ADAMTS3: variants seen among roughly 807,000 people sequenced by gnomAD.
ADAMTS3 encodes the protein A disintegrin and metalloproteinase with thrombospondin motifs 3.
In ADAMTS3, 73 loss-of-function variants were observed where a neutral mutation model predicts 129.0. That is an observed-to-expected ratio of 0.57 (90% confidence interval 0.47 to 0.69). ADAMTS3 has a LOEUF of 0.69. Among genes scored for constraint, ADAMTS3 ranks in the 30% least tolerant of loss-of-function variants. The pLI, the probability that ADAMTS3 is intolerant of heterozygous loss-of-function variation, is 0.00. For missense variants in ADAMTS3, 1,457 were observed against 1,514.5 expected, an observed-to-expected ratio of 0.96 and a Z score of 0.63; for synonymous variants, 477 against 510.8, an observed-to-expected ratio of 0.93 and a Z score of 0.89.
intron 4 of ADAMTS3, among the ~76,000 whole-genome samples, chr4:72,399,214 G>C (rs1721810238): frequency 6.6e-6 from 1 of 152,162 alleles, no homozygotes; most frequent in Non-Finnish European, 1.5e-5. Flanking sequence ...AGGATTGCTT[G>C]AGACCGGGAG....
At chr4:72,321,350 T>G in intron 6 of ADAMTS3, among the ~76,000 whole-genome samples, 1 of 151,732 alleles carries the variant, frequency 6.6e-6, no homozygotes, top group African/African-American at 2.4e-5. Context: ...TTTTTGTTTT[T>G]TTTTGTATTT....
At chr4:72,410,317 C>T (rs1336599160) in intron 4 of ADAMTS3, among the ~76,000 whole-genome samples, 1 of 152,098 alleles carries the variant, frequency 6.6e-6, no homozygotes, top group Non-Finnish European at 1.5e-5. Flanking sequence ...TACATGTTTC[C>T]CACCTGGGAC....
At chr4:72,440,097 C>T (rs1033581560) in intron 3 of ADAMTS3, among the ~76,000 whole-genome samples, 2 of 151,668 alleles carry the variant, frequency 1.3e-5, no homozygotes, top group African/African-American at 4.8e-5. Context: ...TGAAACTTCA[C>T]AATTTTGATA....
At chr4:72,351,256 T>C (rs1720426790) in intron 4 of ADAMTS3, among the ~76,000 whole-genome samples, 1 of 151,960 alleles carries the variant, frequency 6.6e-6, no homozygotes, top group Admixed American at 6.6e-5. Context: ...GTTCACTAAA[T>C]TTGGTTTTGC....
intron 2 of ADAMTS3, among the ~76,000 whole-genome samples, chr4:72,556,825 C>A (rs980136218): frequency 6.6e-6 from 1 of 151,786 alleles, no homozygotes; most frequent in Non-Finnish European, 1.5e-5. Context: ...GAAAAGTGAG[C>A]TGTTATCATC....
chr4:72,462,635 T>G (rs890643557), intron 3 of ADAMTS3, among the ~76,000 whole-genome samples: 2 of 151,980 alleles, frequency 1.3e-5, no homozygotes, highest in African/African-American at 2.4e-5. Flanking sequence ...TAGTGACGTC[T>G]TAATGATCCT....
chr4:72,335,378 T>A (rs1719963567), intron 5 of ADAMTS3, among the ~76,000 whole-genome samples: 1 of 152,144 alleles, frequency 6.6e-6, no homozygotes, highest in Non-Finnish European at 1.5e-5. Flanking sequence ...TGAAATAGAT[T>A]AAATATATTT....
chr4:72,401,566 CAAAAAAAAAA>C (rs374322807), intron 4 of ADAMTS3, among the ~76,000 whole-genome samples: 30 of 37,062 alleles, frequency 8.1e-4, no homozygotes, highest in African/African-American at 3.2e-3. Flanking sequence ...TACTCTGTCT[CAAAAAAAAAA>C]AAAAAAAAAA....
intron 4 of ADAMTS3, among the ~76,000 whole-genome samples, chr4:72,373,277 C>T (rs879298420): frequency 1.3e-5 from 2 of 152,060 alleles, no homozygotes; most frequent in Non-Finnish European, 2.9e-5. Flanking sequence ...GAGACGGAGT[C>T]CAGAACAGAC....
chr4:72,335,980 T>C (rs1719979133), intron 5 of ADAMTS3, among the ~76,000 whole-genome samples: 1 of 152,290 alleles, frequency 6.6e-6, no homozygotes, highest in Admixed American at 6.5e-5. Context: ...ATAAGAAATA[T>C]AAGCTTCTCT....
intron 3 of ADAMTS3, among the ~76,000 whole-genome samples, chr4:72,445,614 A>G (rs1056742274): frequency 6.6e-6 from 1 of 151,758 alleles, no homozygotes; most frequent in African/African-American, 2.4e-5. Context: ...AGCAACATGA[A>G]GCTGTAGCAA....
chr4:72,421,735 C>T (rs1018307001), intron 3 of ADAMTS3, among the ~76,000 whole-genome samples: 3 of 152,106 alleles, frequency 2.0e-5, no homozygotes, highest in Admixed American at 6.6e-5. Context: ...TTTTTCAGAT[C>T]CCAGAATATT....
chr4:72,412,660 C>T (rs1480256703), intron 4 of ADAMTS3, among the ~76,000 whole-genome samples: 4 of 151,984 alleles, frequency 2.6e-5, no homozygotes, highest in Non-Finnish European at 5.9e-5. Flanking sequence ...GATCATTAAG[C>T]TCATATTAAC....
At chr4:72,492,816 T>C (rs1719781174) in intron 3 of ADAMTS3, among the ~76,000 whole-genome samples, 1 of 151,878 alleles carries the variant, frequency 6.6e-6, no homozygotes, top group Non-Finnish European at 1.5e-5. Flanking sequence ...AGTCCCCAAG[T>C]GTTACTGTAT....
intron 4 of ADAMTS3, among the ~76,000 whole-genome samples, chr4:72,370,199 G>A (rs531008060): frequency 1.3e-5 from 2 of 152,188 alleles, no homozygotes; most frequent in Admixed American, 1.3e-4. Context: ...CCCAGCCTGC[G>A]CCGAAGATTT....
chr4:72,529,842 A>AT (rs1277556520), intron 3 of ADAMTS3, among the ~76,000 whole-genome samples: 5 of 84,846 alleles, frequency 5.9e-5, no homozygotes, highest in African/African-American at 2.4e-4. Context: ...AACATATAAT[A>AT]TATTATATTA....
At chr4:72,374,960 C>T (rs965637327) in intron 4 of ADAMTS3, among the ~76,000 whole-genome samples, 5 of 152,104 alleles carry the variant, frequency 3.3e-5, no homozygotes, top group Admixed American at 6.6e-5. Context: ...TGTATTGATC[C>T]GTATTCTCTT....
chr4:72,386,353 A>C (rs1192117481), intron 4 of ADAMTS3, among the ~76,000 whole-genome samples: 1 of 152,166 alleles, frequency 6.6e-6, no homozygotes, highest in Non-Finnish European at 1.5e-5. Context: ...AGCACATTTC[A>C]TCCATCTGTG....
chr4:72,553,975 G>C (rs1199243601), intron 2 of ADAMTS3, among the ~76,000 whole-genome samples: 1 of 152,108 alleles, frequency 6.6e-6, no homozygotes, highest in African/African-American at 2.4e-5. Flanking sequence ...GATCTCCTCA[G>C]TAACTTGAAC....
Sources: gnomAD v4.1 joint callset for allele counts (sites outside exome capture counted in the v4.1 genomes callset) on GRCh38, gnomAD v4.1.1 for gene constraint, MANE v1.5 for transcripts, NCBI Gene and HGNC (gene_info 2026-07-23, HGNC 2026-07-21) for gene names.